Variants in MYO1D observed in about 807,000 individuals in gnomAD.
MYO1D encodes the protein unconventional myosin-Id.
MYO1D carries 83 observed loss-of-function variants against 122.0 expected under a neutral mutation model. That is an observed-to-expected ratio of 0.68 (90% CI 0.57 to 0.82). The LOEUF is 0.82. MYO1D is among the 40% of genes least tolerant of loss of function. MYO1D has a pLI of 0.00. For synonymous variants in MYO1D, 464 were observed against 446.9 expected (o/e 1.04, Z -0.48); for missense variants, 1,157 against 1,269.5 (o/e 0.91, Z 1.35).
chr17:32,670,828 C>G (rs2088707326), intron 16 of MYO1D, among the ~76,000 whole-genome samples: 1 of 152,234 alleles, frequency 6.6e-6, no homozygotes, highest in African/African-American at 2.4e-5. Flanking sequence ...TGTCCCCTCT[C>G]TACTGAGAGC....
intron 16 of MYO1D, among the ~76,000 whole-genome samples, chr17:32,691,433 G>C (rs1224274880): frequency 7.4e-6 from 1 of 134,508 alleles, no homozygotes; most frequent in African/African-American, 2.9e-5. Context: ...TTGAGATGGA[G>C]TCTTACTCTG....
At chr17:32,569,154 A>T (rs2087200793) in intron 21 of MYO1D, among the ~76,000 whole-genome samples, 1 of 152,262 alleles carries the variant, frequency 6.6e-6, no homozygotes, top group African/African-American at 2.4e-5. Flanking sequence ...TTTATGGCAG[A>T]GCTGCTGACT....
At chr17:32,605,277 C>A in intron 20 of MYO1D, 36 bp from the exon 21 acceptor site, 5 of 1,516,430 alleles carry the variant, frequency 3.3e-6, no homozygotes, top group Non-Finnish European at 4.5e-6. Context: ...CTATTTGGAT[C>A]ATTCTCAAAA....
At chr17:32,652,852 T>G (rs115737253) in intron 19 of MYO1D, among the ~76,000 whole-genome samples, 2,372 of 152,276 alleles carry the variant, frequency 0.016, 56 homozygotes, top group African/African-American at 0.047. Flanking sequence ...AGAAATAATG[T>G]AGGTATAGGC....
intron 11 of MYO1D, among the ~76,000 whole-genome samples, chr17:32,753,442 C>T (rs536642728): frequency 2.6e-5 from 4 of 152,214 alleles, no homozygotes; most frequent in Admixed American, 2.6e-4. Flanking sequence ...CAGCACTTGT[C>T]TTAGGGATAC....
At chr17:32,563,145 CTATT>C (rs1434540433) in intron 21 of MYO1D, among the ~76,000 whole-genome samples, 2 of 150,026 alleles carry the variant, frequency 1.3e-5, no homozygotes, top group African/African-American at 4.9e-5. Context: ...TAAATGTTAA[CTATT>C]TATATATGTT....
intron 14 of MYO1D, among the ~76,000 whole-genome samples, chr17:32,735,689 T>A (rs1396592307): frequency 6.6e-6 from 1 of 152,164 alleles, no homozygotes; most frequent in Non-Finnish European, 1.5e-5. Context: ...TCCTTTAAAA[T>A]TTTTCAGGTT....
At chr17:32,848,682 C>T (rs1038166215) in intron 1 of MYO1D, among the ~76,000 whole-genome samples, 2 of 152,172 alleles carry the variant, frequency 1.3e-5, no homozygotes, top group Non-Finnish European at 1.5e-5. Context: ...TGGAAATACT[C>T]TTGTTTCTGT....
At position 32,738,396 on chromosome 17, in the gene MYO1D, C is replaced by T. The variant is rs376589213; in HGVS notation, c.1614-11G>A. On this transcript the variant is annotated splice_polypyrimidine_tract_variant and intron_variant, in intron 13 of 21. Coordinates refer to ENST00000318217, the MANE Select transcript of MYO1D (RefSeq NM_015194.3). Reference sequence around the variant, plus strand: ...AGCACAGGATTTGAACTGAGAAGCACAGAAAAAACAATTCAAATGTCACAT... The same window carrying T: ...AGCACAGGATTTGAACTGAGAAGCATAGAAAAAACAATTCAAATGTCACAT... 1.3e-6 allele frequency: 2 copies of T among 1,551,282 alleles called. No individual in the cohort carries two copies. Among genetic ancestry groups the T allele is most frequent in the African/African-American group, 1.4e-5 (1 of 72,656 alleles).
chr17:32,757,345 C>T (rs1483017204), intron 10 of MYO1D, among the ~76,000 whole-genome samples: 1 of 152,012 alleles, frequency 6.6e-6, no homozygotes, highest in East Asian at 1.9e-4. Flanking sequence ...TATCAGGAGA[C>T]ATTTCTAGTC....
At chr17:32,679,363 G>C (rs1314006659) in intron 16 of MYO1D, among the ~76,000 whole-genome samples, 1 of 151,956 alleles carries the variant, frequency 6.6e-6, no homozygotes, top group East Asian at 1.9e-4. Context: ...GTAATGCCTA[G>C]GTTTTCTTCT....
At chr17:32,821,015 C>G (rs980258727) in intron 1 of MYO1D, among the ~76,000 whole-genome samples, 15 of 152,014 alleles carry the variant, frequency 9.9e-5, no homozygotes, top group African/African-American at 3.6e-4. Context: ...TTTCCTGATC[C>G]TCTCCCTCCT....
intron 1 of MYO1D, among the ~76,000 whole-genome samples, chr17:32,798,727 G>A (rs985124056): frequency 1.1e-4 from 16 of 152,140 alleles, no homozygotes; most frequent in African/African-American, 3.9e-4. Flanking sequence ...ATTTGGAAGG[G>A]TGTAAAGAAG....
chr17:32,681,826 GA>G (rs1179047976), intron 16 of MYO1D, among the ~76,000 whole-genome samples: 1 of 136,708 alleles, frequency 7.3e-6, no homozygotes, highest in Non-Finnish European at 1.5e-5. Flanking sequence ...CTGTCTCGTT[GA>G]TCTGTCTAAT....
At chr17:32,540,697 G>A (rs1402250569) in intron 21 of MYO1D, among the ~76,000 whole-genome samples, 4 of 151,980 alleles carry the variant, frequency 2.6e-5, no homozygotes, top group Non-Finnish European at 4.4e-5. Flanking sequence ...AGGCTGAGGT[G>A]GGCGGATCAC....
intron 1 of MYO1D, among the ~76,000 whole-genome samples, chr17:32,812,029 T>G (rs2090576621): frequency 6.6e-6 from 1 of 152,178 alleles, no homozygotes; most frequent in African/African-American, 2.4e-5. Context: ...AGAAATAACT[T>G]TCCTTGTAGT....
chr17:32,769,173 G>A (rs576742440), intron 6 of MYO1D, among the ~76,000 whole-genome samples: 29 of 152,338 alleles, frequency 1.9e-4, no homozygotes, highest in African/African-American at 7.0e-4. Flanking sequence ...GAGTGGAGGA[G>A]GGTTCTTGGG....
At chr17:32,676,560 CTG>C (rs778412179) in intron 16 of MYO1D, among the ~76,000 whole-genome samples, 1 of 152,060 alleles carries the variant, frequency 6.6e-6, no homozygotes, top group Non-Finnish European at 1.5e-5. Context: ...TCTCTCCTGT[CTG>C]AGAGAATGTC....
intron 21 of MYO1D, among the ~76,000 whole-genome samples, chr17:32,503,711 G>C (rs532752897): frequency 6.6e-6 from 1 of 152,330 alleles, no homozygotes; most frequent in Admixed American, 6.5e-5. Context: ...CACAGAGACA[G>C]GCCGTCCTCC....
Sources: gnomAD v4.1 joint callset for allele counts (sites outside exome capture counted in the v4.1 genomes callset) on GRCh38, gnomAD v4.1.1 for gene constraint, MANE v1.5 for transcripts, NCBI Gene and HGNC (gene_info 2026-07-23, HGNC 2026-07-21) for gene names.